Variants in GLIS3 observed in about 807,000 individuals in gnomAD.
GLIS3 encodes zinc finger protein GLIS3.
In GLIS3, 53 loss-of-function variants were observed where a neutral mutation model predicts 78.6. The ratio of observed to expected loss-of-function variants is 0.67; its 90% confidence interval spans 0.54 to 0.85. The LOEUF is 0.85. Among genes scored for constraint, GLIS3 ranks in the 40% least tolerant of loss-of-function variants. The probability of loss-of-function intolerance (pLI) is 0.00; values close to 1 mark genes in which losing one functional copy is unlikely to be tolerated. For missense variants in GLIS3, 1,703 were observed against 1,231.1 expected (o/e 1.38, Z -5.74); for synonymous variants, 684 against 509.9 (o/e 1.34, Z -4.60).
intron 2 of GLIS3, among the ~76,000 whole-genome samples, chr9:4,209,814 C>T (rs1292496479): frequency 1.0e-4 from 2 of 19,664 alleles, no homozygotes; most frequent in Admixed American, 6.4e-4. Flanking sequence ...GTAGCATTCC[C>T]GCCCCCCCCC....
chr9:4,284,262 C>G (rs1827795836), intron 2 of GLIS3, among the ~76,000 whole-genome samples: 1 of 152,120 alleles, frequency 6.6e-6, no homozygotes, highest in Admixed American at 6.5e-5. Flanking sequence ...TAACACGGTG[C>G]CTGACATATG....
intron 2 of GLIS3, among the ~76,000 whole-genome samples, chr9:4,333,110 G>C (rs1817708741): frequency 6.6e-6 from 1 of 152,148 alleles, no homozygotes; most frequent in African/African-American, 2.4e-5. Context: ...ACCTTAGCCA[G>C]GTGCTGCACT....
chr9:4,399,253 T>C, the GLIS3 span, among the ~76,000 whole-genome samples: 6,027 of 152,346 alleles, frequency 0.04, 193 homozygotes, highest in South Asian at 0.093. Flanking sequence ...TGTATCAAAA[T>C]GTGACTATGT....
chr9:3,954,587 C>T (rs528805755), intron 4 of GLIS3, among the ~76,000 whole-genome samples: 9 of 152,340 alleles, frequency 5.9e-5, no homozygotes, highest in South Asian at 2.1e-4. Flanking sequence ...CCAAGTAATC[C>T]ATATGCAAAT....
chr9:3,944,947 A>T (rs1191359990), intron 4 of GLIS3, among the ~76,000 whole-genome samples: 1 of 152,256 alleles, frequency 6.6e-6, no homozygotes, highest in Non-Finnish European at 1.5e-5. Flanking sequence ...GCAGAACACA[A>T]GAGGTGGCCT....
At chr9:4,468,912 T>C in the GLIS3 span, among the ~76,000 whole-genome samples, 2 of 152,036 alleles carry the variant, frequency 1.3e-5, no homozygotes, top group Non-Finnish European at 2.9e-5. Context: ...CAGAGACACA[T>C]ATAGGCTCAA....
At chr9:4,172,393 TGCAA>T (rs1174556686) in intron 2 of GLIS3, among the ~76,000 whole-genome samples, 7 of 152,108 alleles carry the variant, frequency 4.6e-5, no homozygotes, top group African/African-American at 1.7e-4. Flanking sequence ...GTAAGACACA[TGCAA>T]GCAGTTTCTC....
intron 4 of GLIS3, among the ~76,000 whole-genome samples, chr9:4,054,995 A>G (rs1179515588): frequency 6.6e-6 from 1 of 152,166 alleles, no homozygotes; most frequent in Non-Finnish European, 1.5e-5. Flanking sequence ...TAACGTTGAT[A>G]TCTAGAGCTT....
chr9:4,373,931 G>A, the GLIS3 span, among the ~76,000 whole-genome samples: 2 of 152,138 alleles, frequency 1.3e-5, no homozygotes, highest in Non-Finnish European at 1.5e-5. Context: ...CTCCCACAGT[G>A]CTGGGATTAC....
chr9:4,459,081 G>C, the GLIS3 span, among the ~76,000 whole-genome samples: 1 of 152,130 alleles, frequency 6.6e-6, no homozygotes, highest in African/African-American at 2.4e-5. Flanking sequence ...TCTGATTTAT[G>C]TTTTAGTAGA....
chr9:3,855,870 G>A (rs1414879865), intron 9 of GLIS3, 139 bp downstream of exon 9: 2 of 935,918 alleles, frequency 2.1e-6, no homozygotes, highest in Non-Finnish European at 3.5e-6. Context: ...TATCAAGTGT[G>A]AAATTTTAGA....
At chr9:4,414,391 C>G in the GLIS3 span, among the ~76,000 whole-genome samples, 7 of 152,158 alleles carry the variant, frequency 4.6e-5, no homozygotes, top group Non-Finnish European at 5.9e-5. Context: ...AACTTCAAAT[C>G]CTAGGCCCAA....
chr9:4,296,208 CAAT>C (rs1366082690), intron 1 of GLIS3, among the ~76,000 whole-genome samples: 2 of 142,910 alleles, frequency 1.4e-5, no homozygotes, highest in Non-Finnish European at 3.0e-5. Context: ...CTCCAAAGAT[CAAT>C]AATTATAATA....
chr9:4,132,869 C>CT (rs1310547116), intron 2 of GLIS3, among the ~76,000 whole-genome samples: 1 of 152,192 alleles, frequency 6.6e-6, no homozygotes, highest in East Asian at 1.9e-4. Context: ...CCCGCCCTTA[C>CT]TGGCTGTGTG....
the GLIS3 span, among the ~76,000 whole-genome samples, chr9:4,387,816 A>G: frequency 6.6e-6 from 1 of 152,264 alleles, no homozygotes; most frequent in African/African-American, 2.4e-5. Flanking sequence ...ATTATTTAAC[A>G]TAACTTTCAC....
chr9:4,357,841 T>G, the GLIS3 span, among the ~76,000 whole-genome samples: 5 of 152,328 alleles, frequency 3.3e-5, no homozygotes, highest in South Asian at 2.1e-4. Flanking sequence ...ACCATTCCCA[T>G]TGAATCTGTG....
intron 4 of GLIS3, among the ~76,000 whole-genome samples, chr9:3,964,095 G>A (rs1817756643): frequency 1.3e-5 from 2 of 151,994 alleles, no homozygotes; most frequent in Non-Finnish European, 2.9e-5. Flanking sequence ...GAGAGTGCTG[G>A]GCTGCAAAGT....
chr9:4,484,911 C>T, the GLIS3 span, among the ~76,000 whole-genome samples: 11 of 151,120 alleles, frequency 7.3e-5, no homozygotes, highest in African/African-American at 2.7e-4. Context: ...AACCAACCAT[C>T]GGTCCAGAGG....
intron 2 of GLIS3, among the ~76,000 whole-genome samples, chr9:4,173,377 G>C (rs1479457131): frequency 6.6e-6 from 1 of 151,966 alleles, no homozygotes; most frequent in Non-Finnish European, 1.5e-5. Flanking sequence ...CCTCTAATTT[G>C]TCCCTAACTC....
Sources: allele counts gnomAD v4.1 joint callset (sites outside exome capture counted in the v4.1 genomes callset), GRCh38; gene constraint gnomAD v4.1.1; transcripts MANE v1.5; gene names NCBI Gene and HGNC (gene_info 2026-07-23, HGNC 2026-07-21).